TRIM26: variants seen among roughly 807,000 people sequenced by gnomAD.
TRIM26 encodes the protein tripartite motif-containing protein 26.
A neutral mutation model predicts 45.5 loss-of-function variants in TRIM26; 16 were observed. That is an observed-to-expected ratio of 0.35 (90% CI 0.24 to 0.53). The LOEUF (loss-of-function observed/expected upper bound fraction) is 0.53, where lower values mean the gene tolerates loss of function less well. TRIM26 is among the 20% of genes least tolerant of loss of function. The pLI is 0.92. For synonymous variants in TRIM26, 273 were observed against 290.4 expected, an observed-to-expected ratio of 0.94 and a Z score of 0.61; for missense variants, 442 against 691.1, an observed-to-expected ratio of 0.64 and a Z score of 4.04.
chr6:30,204,194 T>C (rs1487781078), intron 2 of TRIM26, among the ~76,000 whole-genome samples: 1 of 152,190 alleles, frequency 6.6e-6, no homozygotes, highest in African/African-American at 2.4e-5. Flanking sequence ...TCAGCAGGGT[T>C]AAGCAACTTG....
chr6:30,201,548 A>G (rs1183912392), intron 2 of TRIM26, among the ~76,000 whole-genome samples: 1 of 152,176 alleles, frequency 6.6e-6, no homozygotes, highest in African/African-American at 2.4e-5. Context: ...TAATGCTGGT[A>G]GAAATGCTAG....
intron 1 of TRIM26, among the ~76,000 whole-genome samples, chr6:30,206,621 C>T (rs553581656): frequency 5.6e-4 from 86 of 152,362 alleles, no homozygotes; most frequent in African/African-American, 2.0e-3. Context: ...TCACTTGGTG[C>T]TTTGCACCAA....
chr6:30,191,479 C>G (rs890799414), intron 6 of TRIM26, among the ~76,000 whole-genome samples: 1 of 150,244 alleles, frequency 6.7e-6, no homozygotes, highest in African/African-American at 2.5e-5. Context: ...CAGGGGGAAG[C>G]AGACAATAAT....
chr6:30,204,697 T>C lies in TRIM26; in HGVS notation c.-307A>G, dbSNP rs1441359411. On this transcript the variant is annotated 5_prime_UTR_variant, in exon 2 of 10. Transcript: ENST00000454678. ...TCTGCCCTTTTATGCCGTCAGTATA[T>C]TCTCTGTGATCTCAACAGGTTTCCA... is the stretch of plus-strand genomic sequence containing the variant. 6.6e-6 allele frequency: 1 copy of C among 152,104 alleles called. No individual in the cohort carries two copies. The highest frequency in any genetic ancestry group is 1.5e-5 in the Non-Finnish European group (1 of 68,030). The allele number at this position is 152,104 out of a possible 1,614,324, so 9.4% of individuals were successfully genotyped here.
Position 30,190,057 on chromosome 6 carries a change from A to G in TRIM26, c.766-22T>C. Reference sequence around the variant, plus strand: ...TGTCCTAGAAGGGAAAGAAAAAAGCACAAGTATCAATATGAATCAAATAAG... The same window carrying G: ...TGTCCTAGAAGGGAAAGAAAAAAGCGCAAGTATCAATATGAATCAAATAAG... On this transcript the variant is annotated intron_variant, in intron 6 of 9. Transcript: ENST00000454678. The surrounding 1 kb of genome is among the most constrained non-coding windows in gnomAD (Gnocchi z 4.3). 1 of 1,612,670 alleles carries G rather than the reference A, an allele frequency of 6.2e-7. No individual in the cohort carries two copies. The highest frequency in any genetic ancestry group is 8.5e-7 in the Non-Finnish European group (1 of 1,179,716).
In TRIM26 at chr6:30,198,909, G is replaced by A. The variant is rs1380586345; in HGVS notation, c.195C>T (p.Ile65=). The A allele has an allele frequency of 6.2e-7, 1 of 1,612,598 alleles. No individual in the cohort carries two copies. The change falls in exon 4 of 10, where the codon ATC becomes ATT. Residue 65 remains isoleucine (I), a synonymous_variant. Coordinates refer to ENST00000454678, the MANE Select transcript of TRIM26 (RefSeq NM_003449.5). The surrounding 1 kb of genome is among the most constrained non-coding windows in gnomAD (Gnocchi z 6.3). The part of the protein sequence containing the change: ...LCKKPFKKEN[I]RPVWQLASLV... ...GGCTGGCCAGTTGCCACACGGGTCG[G>A]ATGTTCTCCTTCTTAAAAGGCTTCT...
In TRIM26 at chr6:30,190,034, T is replaced by C; in HGVS notation, c.767A>G (p.Asp256Gly). ...AQQPAAELMQDTRDFLNRYPR... is the reference protein window; with the variant it reads ...AQQPAAELMQGTRDFLNRYPR... The stretch of plus-strand genomic sequence containing the variant: ...TTACCTGTTTAGGAAGTCTCTCGTG[T>C]CCTAGAAGGGAAAGAAAAAAGCACA... Residue 256 changes from aspartate to glycine, a missense_variant and splice_region_variant, in exon 7 of 10, where the codon GAC becomes GGC. Transcript: ENST00000454678. This position sits in a 1 kb window ranked among gnomAD's most constrained non-coding sequence, Gnocchi z 4.3. 1 of 1,612,948 alleles carries C rather than the reference T, an allele frequency of 6.2e-7. No homozygotes were observed. The highest frequency in any genetic ancestry group is 8.5e-7 in the Non-Finnish European group (1 of 1,179,952).
Position 30,188,308 on chromosome 6 carries a change from C to T in TRIM26, c.937+859G>A, listed in dbSNP as rs1279331453. ...TTGCAAAGCATCATCTGTTGTAACA[C>T]AAGCATTCAGGGTCTCTGTAAACTG... On this transcript the variant is annotated intron_variant, in intron 9 of 9. Transcript: ENST00000454678. 5.9e-5 allele frequency: 29 copies of T among 491,612 alleles called. No homozygotes were observed. The East Asian group carries it at 1.3e-3, about 22-fold the overall frequency. The allele number at this position is 491,612 out of a possible 1,614,324, so 30.5% of individuals were successfully genotyped here. A position where few individuals can be genotyped will look rare whatever the true frequency, so the allele number is the denominator to read the frequency against.
Position 30,199,178 on chromosome 6 carries a change from G to A in TRIM26, c.-75C>T. On this transcript the variant is annotated 5_prime_UTR_variant, in exon 4 of 10. Coordinates refer to ENST00000454678, the MANE Select transcript of TRIM26 (RefSeq NM_003449.5). ...CCTTGGAGACGCGACATAGAGTCAG[G>A]AGCAAGCACAGTAAAGGGGCAAAGG... 2 of 1,460,212 alleles carry A rather than the reference G, an allele frequency of 1.4e-6. No individual in the cohort carries two copies. Among genetic ancestry groups the A allele is most frequent in the Non-Finnish European group, 1.8e-6 (2 of 1,093,080 alleles). 90.5% of individuals were successfully genotyped at this position (1,460,212 alleles called of 1,614,324 possible).
chr6:30,199,415 G>C (rs1430446037), intron 3 of TRIM26, among the ~76,000 whole-genome samples, 151 bp from the exon 4 acceptor site: 1 of 152,194 alleles, frequency 6.6e-6, no homozygotes. Flanking sequence ...GCTGTTGGGA[G>C]AGCCTCAACA....
chr6:30,185,945 G>A lies in TRIM26; in HGVS notation c.1551C>T (p.Thr517=). ...GGAAGGGGACCAGGCGCCGGGTGAA[G>A]GTGGCAGTGAAGGTGTAGATGAGTT... ...SQELIYTFTA[T]FTRRLVPFLW... is the part of the protein sequence containing the mutation. Residue 517 remains threonine (T), a synonymous_variant, in exon 10 of 10, where the codon ACC becomes ACT. Coordinates refer to ENST00000454678, the MANE Select transcript of TRIM26 (RefSeq NM_003449.5). This position sits in a 1 kb window ranked among gnomAD's most constrained non-coding sequence, Gnocchi z 5.7. 6.2e-7 allele frequency: 1 copy of A among 1,613,078 alleles called. No individual in the cohort carries two copies. The highest frequency in any genetic ancestry group is 8.5e-7 in the Non-Finnish European group (1 of 1,180,020).
chr6:30,200,148 A>G (rs1171072347), intron 3 of TRIM26, among the ~76,000 whole-genome samples: 1 of 152,126 alleles, frequency 6.6e-6, no homozygotes, highest in Non-Finnish European at 1.5e-5. Flanking sequence ...CCAGTGTAGT[A>G]GCATGCATCT....
chr6:30,195,551 C>T (rs1776372070), intron 6 of TRIM26, among the ~76,000 whole-genome samples: 2 of 152,182 alleles, frequency 1.3e-5, no homozygotes, highest in Admixed American at 1.3e-4. Context: ...TGCCAGTCCT[C>T]ATTCTGTACA....
rs1480623848 is a variant in TRIM26 at position 30,185,064 on chromosome 6, G to A, written c.*812C>T. 1 of 152,210 alleles carries A rather than the reference G, an allele frequency of 6.6e-6. No individual in the cohort carries two copies. The highest frequency in any genetic ancestry group is 1.5e-5 in the Non-Finnish European group (1 of 68,096). 9.4% of individuals were successfully genotyped at this position (152,210 alleles called of 1,614,324 possible). On this transcript the variant is annotated 3_prime_UTR_variant, in exon 10 of 10. Transcript: ENST00000454678. This position sits in a 1 kb window ranked among gnomAD's most constrained non-coding sequence, Gnocchi z 5.7. ...TTCTGCTCCACTGGATGTTTGTCTT[G>A]GTGTTTTTGGATGTGCTGATCAAGA...
intron 3 of TRIM26, among the ~76,000 whole-genome samples, chr6:30,199,699 T>C (rs9357094): frequency 0.17 from 25,906 of 149,444 alleles, 2,837 homozygotes; most frequent in Non-Finnish European, 0.23. Flanking sequence ...TGCAGTGGCG[T>C]GATCTCAGCT....
At chr6:30,193,182 A>ATATATTTTT (rs9280916) in intron 6 of TRIM26, among the ~76,000 whole-genome samples, 1 of 38,806 alleles carries the variant, frequency 2.6e-5, no homozygotes, top group African/African-American at 1.2e-4. Flanking sequence ...ATATATATAT[A>ATATATTTTT]TTTTTTTTTT....
intron 1 of TRIM26, among the ~76,000 whole-genome samples, chr6:30,212,915 CAAAAAAAAAA>C (rs3059548): frequency 7.7e-6 from 1 of 130,294 alleles, no homozygotes; most frequent in Non-Finnish European, 1.6e-5. Flanking sequence ...TTACTCCGAA[CAAAAAAAAAA>C]AAAAAAAAAA....
At chr6:30,191,557 G>A (rs1022787997) in intron 6 of TRIM26, among the ~76,000 whole-genome samples, 2 of 152,180 alleles carry the variant, frequency 1.3e-5, no homozygotes, top group African/African-American at 4.8e-5. Flanking sequence ...GAGTGAAGGG[G>A]GATGGGAGCA....
In TRIM26 at chr6:30,185,071, T is replaced by C. The variant is rs892627496; in HGVS notation, c.*805A>G. On this transcript the variant is annotated 3_prime_UTR_variant, in exon 10 of 10. Coordinates refer to ENST00000454678, the MANE Select transcript of TRIM26 (RefSeq NM_003449.5). This position sits in a 1 kb window ranked among gnomAD's most constrained non-coding sequence, Gnocchi z 5.7. ...CCACTGGATGTTTGTCTTGGTGTTT[T>C]TGGATGTGCTGATCAAGAGCAAGAT... 6.6e-6 allele frequency: 1 copy of C among 152,284 alleles called. No homozygotes were observed. The highest frequency in any genetic ancestry group is 2.4e-5 in the African/African-American group (1 of 41,500). The allele number at this position is 152,284 out of a possible 1,614,324, so 9.4% of individuals were successfully genotyped here. A position where few individuals can be genotyped will look rare whatever the true frequency, so the allele number is the denominator to read the frequency against.
Sources: gnomAD v4.1 joint callset for allele counts (sites outside exome capture counted in the v4.1 genomes callset) on GRCh38, gnomAD v4.1.1 for gene constraint, Gnocchi (gnomAD v3.1) non-coding constraint, MANE v1.5 for transcripts, NCBI Gene and HGNC (gene_info 2026-07-23, HGNC 2026-07-21) for gene names.